The following GPR63 variants were observed in gnomAD, a reference collection of about 807,000 sequenced individuals.
GPR63 encodes G protein-coupled receptor 63, also known as probable G protein-coupled receptor 63.
GPR63 carries 12 observed loss-of-function variants against 23.1 expected under a neutral mutation model. The observed-to-expected ratio is 0.52, with a 90% CI of 0.33 to 0.84. GPR63 has a LOEUF of 0.84. Among genes scored for constraint, GPR63 ranks in the 40% least tolerant of loss-of-function variants. The probability of loss-of-function intolerance (pLI) is 0.02; values close to 1 mark genes in which losing one functional copy is unlikely to be tolerated. For missense variants in GPR63, 472 were observed against 515.6 expected, an observed-to-expected ratio of 0.92 and a Z score of 0.82; for synonymous variants, 172 against 191.1, an observed-to-expected ratio of 0.90 and a Z score of 0.82.
rs1773540163 is a variant in GPR63, at chr6:96,794,736, GA to G, written c.*3735del. 6.6e-6 allele frequency: 1 copy of G among 152,094 alleles called. No individual in the cohort carries two copies. The highest frequency in any genetic ancestry group is 1.5e-5 in the Non-Finnish European group (1 of 68,010). The allele number at this position is 152,094 out of a possible 1,614,324, so 9.4% of individuals were successfully genotyped here. ...ACACAATAAAGACAGCTCTCTATAA[GA>G]AAATAAAATATGAGCATAATTAGAC... is the stretch of plus-strand genomic sequence containing the variant. On this transcript the variant is annotated 3_prime_UTR_variant, in exon 2 of 2. Coordinates refer to ENST00000229955, the MANE Select transcript of GPR63 (RefSeq NM_030784.4).
At chr6:96,825,425 G>T (rs188407684) in intron 1 of GPR63, among the ~76,000 whole-genome samples, 58 of 152,040 alleles carry the variant, frequency 3.8e-4, no homozygotes, top group African/African-American at 1.3e-3. Context: ...CCTCCTACAA[G>T]GGCCACAAAC....
rs1774762837 is a variant in GPR63, at chr6:96,837,363, C to T, written c.-246G>A. On this transcript the variant is annotated 5_prime_UTR_variant, in exon 1 of 2. Transcript: ENST00000229955. ...GGAACTTTCCTGACATAGCACTTCTCTCCTCCGCTGCAGAGAACAACGCTG... is the reference window on the plus strand; with the variant it reads ...GGAACTTTCCTGACATAGCACTTCTTTCCTCCGCTGCAGAGAACAACGCTG... The T allele has an allele frequency of 6.6e-6, 1 of 152,602 alleles. No individual in the cohort carries two copies. The highest frequency in any genetic ancestry group is 2.4e-5 in the African/African-American group (1 of 41,464). The allele number at this position is 152,602 out of a possible 1,614,324, so 9.5% of individuals were successfully genotyped here.
chr6:96,816,202 G>A (rs1017809458), intron 1 of GPR63, among the ~76,000 whole-genome samples: 28 of 152,068 alleles, frequency 1.8e-4, no homozygotes, highest in African/African-American at 3.6e-4. Flanking sequence ...ACCATTGTTC[G>A]AAACAGTGTT....
intron 1 of GPR63, among the ~76,000 whole-genome samples, chr6:96,807,328 G>C (rs1470603670): frequency 7.0e-6 from 1 of 142,488 alleles, no homozygotes; most frequent in East Asian, 1.9e-4. Context: ...AGATCAATCT[G>C]GCTATAGCCA....
At position 96,827,315 on chromosome 6, in the gene GPR63, C is replaced by T. The variant is rs559593678; in HGVS notation, c.-151+9953G>A. Among the ~76,000 whole-genome samples the T allele has an allele frequency of 4.6e-5, 7 of 151,978 alleles. No homozygotes were observed. The East Asian group carries it at 1.4e-3, about 29-fold the overall frequency. On this transcript the variant is annotated intron_variant, in intron 1 of 1. Transcript: ENST00000229955. ...AGACATAGTTGAAGTGAATAAACTG[C>T]AAGTTAGAACATAAGAAATTTTTCC...
intron 1 of GPR63, among the ~76,000 whole-genome samples, chr6:96,833,135 G>A (rs1774633794): frequency 6.6e-6 from 1 of 152,066 alleles, no homozygotes; most frequent in Non-Finnish European, 1.5e-5. Context: ...CAAATACAGG[G>A]GAAATGGAGT....
intron 1 of GPR63, among the ~76,000 whole-genome samples, chr6:96,829,678 C>A (rs1037615808): frequency 2.6e-5 from 4 of 152,028 alleles, no homozygotes; most frequent in African/African-American, 9.7e-5. Context: ...CCAGCCAGGA[C>A]AAAGGAATGA....
At position 96,831,097 on chromosome 6, in the gene GPR63, G is replaced by A. The variant is rs1352193679; in HGVS notation, c.-151+6171C>T. Among the ~76,000 whole-genome samples the A allele has an allele frequency of 2.0e-5, 3 of 152,176 alleles. No homozygotes were observed. The East Asian group carries it at 5.8e-4, about 29-fold the overall frequency. ...GTCCAGGAGTTGGCAGCAAAGTGCAGAAAACAGAATATTTTTACATCTTAG... is the reference window on the plus strand; with the variant it reads ...GTCCAGGAGTTGGCAGCAAAGTGCAAAAAACAGAATATTTTTACATCTTAG... On this transcript the variant is annotated intron_variant, in intron 1 of 1. Coordinates refer to ENST00000229955, the MANE Select transcript of GPR63 (RefSeq NM_030784.4).
At chr6:96,813,585 C>G (rs1340058691) in intron 1 of GPR63, among the ~76,000 whole-genome samples, 2 of 152,120 alleles carry the variant, frequency 1.3e-5, no homozygotes, top group African/African-American at 4.8e-5. Flanking sequence ...ATGGTTTATC[C>G]TAGAAAAATG....
In GPR63 at chr6:96,799,702, G is replaced by T. The variant is rs1433345021; in HGVS notation, c.30C>A (p.Phe10Leu). The T allele has an allele frequency of 6.2e-7, 1 of 1,614,216 alleles. No homozygotes were observed. Among genetic ancestry groups the T allele is most frequent in the Non-Finnish European group, 8.5e-7 (1 of 1,180,032 alleles). Residue 10 changes from phenylalanine (F) to leucine (L), a missense_variant, in exon 2 of 2, where the codon TTC (phenylalanine) becomes TTA (leucine). By Grantham distance (22) the Phe-to-Leu change is conservative. Transcript: ENST00000229955. ...ATGTTGTGTTGGATGTCCCGGTATGGAACGCAGTCAACACTGCCGAGAAGA... is the reference window on the plus strand; with the variant it reads ...ATGTTGTGTTGGATGTCCCGGTATGTAACGCAGTCAACACTGCCGAGAAGA... MVFSAVLTAFHTGTSNTTFV... is the reference protein window; with the variant it reads MVFSAVLTALHTGTSNTTFV...
chr6:96,803,012 G>A (rs1313420382), intron 1 of GPR63, among the ~76,000 whole-genome samples: 1 of 152,060 alleles, frequency 6.6e-6, no homozygotes, highest in East Asian at 1.9e-4. Context: ...TCTCCTCTCT[G>A]AACAATCACA....
chr6:96,817,579 T>A (rs927031862), intron 1 of GPR63, among the ~76,000 whole-genome samples: 1 of 152,122 alleles, frequency 6.6e-6, no homozygotes, highest in African/African-American at 2.4e-5. Flanking sequence ...TTATTTGAAA[T>A]ATTAGAACAG....
intron 1 of GPR63, among the ~76,000 whole-genome samples, chr6:96,810,266 C>T (rs1293639007): frequency 6.6e-6 from 1 of 152,100 alleles, no homozygotes; most frequent in Non-Finnish European, 1.5e-5. Context: ...AAGGCTGAGG[C>T]AGGTGGATAG....
Position 96,798,347 on chromosome 6 carries a change from TACACTGCTCAC to T in GPR63, c.*114_*124del. On this transcript the variant is annotated 3_prime_UTR_variant, in exon 2 of 2. Coordinates refer to ENST00000229955, the MANE Select transcript of GPR63 (RefSeq NM_030784.4). Reference sequence around the variant, plus strand: ...AGAACTATAATTACCATTCTTTCTTTACACTGCTCACACACATACATACACAAACCCTATAA... The same window carrying T: ...AGAACTATAATTACCATTCTTTCTTTACACATACATACACAAACCCTATAA... The T allele has an allele frequency of 1.1e-6, 1 of 901,198 alleles. No homozygotes were observed. The highest frequency in any genetic ancestry group is 1.7e-6 in the Non-Finnish European group (1 of 599,688). The allele number at this position is 901,198 out of a possible 1,614,324, so 55.8% of individuals were successfully genotyped here. A position where few individuals can be genotyped will look rare whatever the true frequency, so the allele number is the denominator to read the frequency against.
chr6:96,825,808 T>C (rs1774425411), intron 1 of GPR63, among the ~76,000 whole-genome samples: 1 of 152,200 alleles, frequency 6.6e-6, no homozygotes. Flanking sequence ...TTTTTTTTAT[T>C]TATTCAGCTT....
At chr6:96,824,953 C>T (rs139387503) in intron 1 of GPR63, among the ~76,000 whole-genome samples, 3 of 152,286 alleles carry the variant, frequency 2.0e-5, no homozygotes, top group African/African-American at 7.2e-5. Context: ...CAATGGCTCA[C>T]CGTGCACACA....
At chr6:96,835,610 G>T (rs1400370808) in intron 1 of GPR63, among the ~76,000 whole-genome samples, 1 of 151,994 alleles carries the variant, frequency 6.6e-6, no homozygotes, top group Non-Finnish European at 1.5e-5. Flanking sequence ...ACTACATAGG[G>T]GTTTTAGTTA....
Position 96,799,471 on chromosome 6 carries a change from T to C in GPR63, c.261A>G (p.Ile87Met). ...AAGACACAAACAGAATGAATATCAT[T>C]ATAGCAGAAAGGGTGATCTGAAGAG... ...NLPLQITLSA[I>M]MIFILFVSFL... Residue 87 changes from isoleucine (I) to methionine (M), a missense_variant, in exon 2 of 2, where the codon ATA becomes ATG. Transcript: ENST00000229955. 6.2e-7 allele frequency: 1 copy of C among 1,614,116 alleles called. No individual in the cohort carries two copies. The highest frequency in any genetic ancestry group is 8.5e-7 in the Non-Finnish European group (1 of 1,180,022).
chr6:96,832,446 T>TA (rs1774611401), intron 1 of GPR63, among the ~76,000 whole-genome samples: 1 of 151,148 alleles, frequency 6.6e-6, no homozygotes, highest in Non-Finnish European at 1.5e-5. Flanking sequence ...TTTTTTTTTT[T>TA]ACTTTTTGGA....
Sources: allele counts gnomAD v4.1 joint callset (sites outside exome capture counted in the v4.1 genomes callset), GRCh38; gene constraint gnomAD v4.1.1; transcripts MANE v1.5; gene names NCBI Gene and HGNC (gene_info 2026-07-23, HGNC 2026-07-21).